RNF180: variants seen among roughly 807,000 people sequenced by gnomAD.
RNF180 encodes the protein ring finger protein 180.
In RNF180, 38 loss-of-function variants were observed where a neutral mutation model predicts 59.2. The ratio of observed to expected loss-of-function variants is 0.64; its 90% CI spans 0.50 to 0.84. RNF180 has a LOEUF of 0.84. RNF180 is among the 40% of genes least tolerant of loss of function. RNF180 has a pLI of 0.00. For synonymous variants in RNF180, 262 were observed against 240.3 expected (o/e 1.09, Z -0.84); for missense variants, 705 against 700.9 (o/e 1.01, Z -0.07).
intron 7 of RNF180, among the ~76,000 whole-genome samples, chr5:64,366,043 T>A (rs2112615399): frequency 6.6e-6 from 1 of 151,664 alleles, no homozygotes; most frequent in East Asian, 1.9e-4. Context: ...GCCAACCTGT[T>A]TTTATGGTTG....
At position 64,177,526 on chromosome 5, in the gene RNF180, CATATATATATAT is replaced by C. The variant is rs58046669; in HGVS notation, c.-1+11602_-1+11613del. 5.0e-3 allele frequency among the ~76,000 whole-genome samples: 531 copies of C among 105,228 alleles called. 5 individuals carry two copies. Among genetic ancestry groups the C allele is most frequent in the African/African-American group, 0.01 (332 of 32,060 alleles). The allele number at this position is 105,228 out of a possible 152,430, so 69.0% of individuals were successfully genotyped here. On this transcript the variant is annotated intron_variant, in intron 1 of 7. Coordinates refer to ENST00000389100, the MANE Select transcript of RNF180 (RefSeq NM_001113561.2). ...TTTTTTTCAAAGGCATAAATTATGC[CATATATATATAT>C]ATATATATATATATATATATATATA... is the stretch of plus-strand genomic sequence containing the variant.
intron 5 of RNF180, among the ~76,000 whole-genome samples, chr5:64,226,985 C>T (rs1741807023): frequency 6.6e-6 from 1 of 152,226 alleles, no homozygotes; most frequent in African/African-American, 2.4e-5. Context: ...AGAAACCCGG[C>T]TGACTCCCTG....
At chr5:64,283,188 G>A (rs1742099515) in intron 5 of RNF180, among the ~76,000 whole-genome samples, 1 of 152,134 alleles carries the variant, frequency 6.6e-6, no homozygotes, top group African/African-American at 2.4e-5. Flanking sequence ...TCCAGTATTG[G>A]GTGCATGTGT....
chr5:64,343,469 C>T (rs1745438866), intron 7 of RNF180, among the ~76,000 whole-genome samples: 1 of 151,928 alleles, frequency 6.6e-6, no homozygotes, highest in African/African-American at 2.4e-5. Flanking sequence ...AAGAATTTTC[C>T]AAAACTGAAG....
intron 2 of RNF180, among the ~76,000 whole-genome samples, chr5:64,210,615 A>C (rs1425022049): frequency 6.6e-6 from 1 of 152,142 alleles, no homozygotes; most frequent in African/African-American, 2.4e-5. Flanking sequence ...TCTCTTGCTA[A>C]AATTGAAGAT....
rs1156476592 is a variant in RNF180, at chr5:64,249,050, A to G, written c.1227+31654A>G. On this transcript the variant is annotated intron_variant, in intron 5 of 7. Transcript: ENST00000389100. ...GTTTTCACTCATAAGTGGGAGTTGA[A>G]CAATGAGAACACATAGACACAGGCA... 2.0e-5 allele frequency among the ~76,000 whole-genome samples: 3 copies of G among 152,198 alleles called. No individual in the cohort carries two copies. In the East Asian group the frequency reaches 5.8e-4, roughly 29 times the overall value.
intron 5 of RNF180, among the ~76,000 whole-genome samples, chr5:64,256,531 T>C (rs1228725880): frequency 1.3e-5 from 2 of 152,226 alleles, no homozygotes; most frequent in Non-Finnish European, 2.9e-5. Flanking sequence ...GTATTATTTC[T>C]GAGGGCTCTG....
intron 1 of RNF180, among the ~76,000 whole-genome samples, chr5:64,174,872 C>T (rs1750142453): frequency 6.6e-6 from 1 of 151,312 alleles, no homozygotes; most frequent in East Asian, 1.9e-4. Context: ...AATCATTGCT[C>T]AGACCAAGGT....
intron 5 of RNF180, among the ~76,000 whole-genome samples, chr5:64,276,915 C>T (rs1011066243): frequency 1.3e-5 from 2 of 152,008 alleles, no homozygotes; most frequent in Non-Finnish European, 2.9e-5. Context: ...CTTAATAACC[C>T]TCCTTCTGCC....
chr5:64,238,421 T>C lies in RNF180; in HGVS notation c.1227+21025T>C, dbSNP rs78037403. ...TATTTAAAGACCCTTTATACTCTTC[T>C]CTATAGTGGCTATACCATTTTTCAT... On this transcript the variant is annotated intron_variant, in intron 5 of 7. Transcript: ENST00000389100. Among the ~76,000 whole-genome samples the C allele has an allele frequency of 4.6e-5, 7 of 152,348 alleles. No homozygotes were observed. In the East Asian group the frequency reaches 1.3e-3, roughly 29 times the overall value.
rs138694779 is a variant in RNF180 at position 64,207,440 on chromosome 5, T to G, written c.136-4625T>G. ...GTGGATCTCCGGAACTAAAATAGAT[T>G]GCCACTATTGGAGTTCAGAGATGAA... On this transcript the variant is annotated intron_variant, in intron 2 of 7. Coordinates refer to ENST00000389100, the MANE Select transcript of RNF180 (RefSeq NM_001113561.2). Among the ~76,000 whole-genome samples the G allele has an allele frequency of 8.3e-3, 1,263 of 152,162 alleles. 29 individuals are homozygous for G. The highest frequency in any genetic ancestry group is 0.015 in the South Asian group (70 of 4,816).
chr5:64,264,759 C>T (rs1049166821), intron 5 of RNF180, among the ~76,000 whole-genome samples: 1 of 152,124 alleles, frequency 6.6e-6, no homozygotes, highest in Non-Finnish European at 1.5e-5. Context: ...AATGGGATTG[C>T]TGGGTCAAAT....
At position 64,330,266 on chromosome 5, in the gene RNF180, T is replaced by A. The variant is rs1366044756; in HGVS notation, c.1454-15T>A. 7.1e-7 allele frequency: 1 copy of A among 1,405,070 alleles called. No individual in the cohort carries two copies. Among genetic ancestry groups the A allele is most frequent in the African/African-American group, 1.5e-5 (1 of 68,902 alleles). 87.0% of individuals were successfully genotyped at this position (1,405,070 alleles called of 1,614,324 possible). On this transcript the variant is annotated splice_polypyrimidine_tract_variant and intron_variant, in intron 6 of 7. Transcript: ENST00000389100. ...AATTAATTTCAAAATCCTATTTTCT[T>A]TTGCTTTATTCTAGAATTGAACAAT...
intron 7 of RNF180, among the ~76,000 whole-genome samples, chr5:64,342,041 G>A (rs539901927): frequency 2.0e-5 from 3 of 152,124 alleles, no homozygotes; most frequent in African/African-American, 7.2e-5. Context: ...TGAGTACAAC[G>A]AGAAAACAAC....
At position 64,369,728 on chromosome 5, in the gene RNF180, A is replaced by G; in HGVS notation, c.1693A>G (p.Met565Val). 1 of 1,547,064 alleles carries G rather than the reference A, an allele frequency of 6.5e-7. No individual in the cohort carries two copies. Among genetic ancestry groups the G allele is most frequent in the Admixed American group, 2.0e-5 (1 of 50,114 alleles). ...CCGTGGATGGTGGTTTGACATGGAT[A>G]TGGTGATCATATATATTTATTCAGT... ...DSRGWWFDMD[M>V]VIIYIYSVNW... Residue 565 changes from methionine to valine, a missense_variant, in exon 8 of 8, where the codon ATG (methionine) becomes GTG (valine). Met to Val is a conservative substitution (Grantham distance 21). Transcript: ENST00000389100.
chr5:64,282,851 G>T (rs1319293216), intron 5 of RNF180, among the ~76,000 whole-genome samples: 1 of 152,060 alleles, frequency 6.6e-6, no homozygotes, highest in Non-Finnish European at 1.5e-5. Flanking sequence ...TATCTTTATT[G>T]TGCTGTGGTT....
chr5:64,310,412 G>A (rs1001525451), intron 5 of RNF180, among the ~76,000 whole-genome samples: 1 of 151,292 alleles, frequency 6.6e-6, no homozygotes, highest in Admixed American at 6.6e-5. Flanking sequence ...TTTTGTCATT[G>A]CTTAATATAT....
chr5:64,314,696 G>A (rs1050040263), intron 5 of RNF180, among the ~76,000 whole-genome samples: 7 of 152,022 alleles, frequency 4.6e-5, no homozygotes, highest in African/African-American at 7.2e-5. Flanking sequence ...ATAACTACTC[G>A]AGAAGAATGC....
At chr5:64,212,935 A>AT (rs1752384998) in intron 3 of RNF180, among the ~76,000 whole-genome samples, 1 of 152,232 alleles carries the variant, frequency 6.6e-6, no homozygotes, top group Non-Finnish European at 1.5e-5. Context: ...TGCACTGTTT[A>AT]TAAGTGTCCT....
Sources: allele counts gnomAD v4.1 joint callset (sites outside exome capture counted in the v4.1 genomes callset), GRCh38; gene constraint gnomAD v4.1.1; transcripts MANE v1.5; gene names NCBI Gene and HGNC (gene_info 2026-07-23, HGNC 2026-07-21).